The following NAT10 variants were observed in gnomAD, a reference collection of about 807,000 sequenced individuals.
NAT10 encodes the protein RNA cytidine acetyltransferase.
NAT10 carries 109 observed loss-of-function variants against 132.2 expected under a neutral mutation model. The ratio of observed to expected loss-of-function variants is 0.82; its 90% CI spans 0.71 to 0.97. NAT10 has a LOEUF of 0.97. Ranked by LOEUF, NAT10 falls within the 50% of genes least tolerant of loss-of-function variation. The pLI, the probability that NAT10 is intolerant of heterozygous loss-of-function variation, is 0.00. For missense variants in NAT10, 1,184 were observed against 1,263.4 expected (o/e 0.94, Z 0.95); for synonymous variants, 479 against 478.0 (o/e 1.00, Z -0.03).
rs192021617 is a variant in NAT10, at chr11:34,139,658, G to T, written c.2419+163G>T. ...CTTGCCAGGCCCCTGCTCTGTCCCAGGCTGTGCTGTCTTTCATTTTCATGG... is the reference window on the plus strand; with the variant it reads ...CTTGCCAGGCCCCTGCTCTGTCCCATGCTGTGCTGTCTTTCATTTTCATGG... On this transcript the variant is annotated intron_variant, in intron 23 of 28. Coordinates refer to ENST00000257829, the MANE Select transcript of NAT10 (RefSeq NM_024662.3). 869 of 623,092 alleles carry T rather than the reference G, an allele frequency of 1.4e-3. 2 individuals are homozygous for T. Among genetic ancestry groups the T allele is most frequent in the Non-Finnish European group, 1.7e-3 (612 of 352,864 alleles). 38.6% of individuals were successfully genotyped at this position (623,092 alleles called of 1,614,324 possible).
chr11:34,131,681 TTTTTC>T, intron 14 of NAT10, 150 bp downstream of exon 14: 3 of 898,760 alleles, frequency 3.3e-6, no homozygotes, highest in Non-Finnish European at 3.1e-6. Flanking sequence ...TCCTTTTTTT[TTTTTC>T]TTTCTTTTTT....
At chr11:34,106,421 A>ATTT (rs199999125) in intron 1 of NAT10, among the ~76,000 whole-genome samples, 11 of 142,274 alleles carry the variant, frequency 7.7e-5, no homozygotes, top group African/African-American at 2.8e-4. Context: ...CAGTATAGCT[A>ATTT]TTTTTTTTTT....
intron 28 of NAT10, 105 bp downstream of exon 28, chr11:34,143,633 A>G: frequency 1.9e-6 from 2 of 1,061,818 alleles, no homozygotes; most frequent in East Asian, 2.6e-5. Flanking sequence ...AAAAGCTTTG[A>G]CAGAAAAGTC....
At position 34,138,199 on chromosome 11, in the gene NAT10, G is replaced by A. The variant is rs189879657; in HGVS notation, c.2212-992G>A. On this transcript the variant is annotated intron_variant, in intron 21 of 28. Coordinates refer to ENST00000257829, the MANE Select transcript of NAT10 (RefSeq NM_024662.3). ...CTTGAGGAGGTGGTGGGTGGGACTC[G>A]AGATTCAGGAAGAGAGGTGACCACC... is the stretch of plus-strand genomic sequence containing the variant. Among the ~76,000 whole-genome samples the A allele has an allele frequency of 9.9e-5, 15 of 152,250 alleles. No individual in the cohort carries two copies. The East Asian group carries it at 2.1e-3, about 22-fold the overall frequency.
chr11:34,136,765 A>G lies in NAT10; in HGVS notation c.2152A>G (p.Arg718Gly). 6.2e-7 allele frequency: 1 copy of G among 1,614,102 alleles called. No homozygotes were observed. The highest frequency in any genetic ancestry group is 8.5e-7 in the Non-Finnish European group (1 of 1,180,024). Residue 718 changes from arginine to glycine, a missense_variant, in exon 20 of 29, where the codon AGG (arginine) becomes GGG (glycine). By Grantham distance (125) the Arg-to-Gly change is moderately radical (BLOSUM62 -2). Transcript: ENST00000257829. ...YLGVSYGLTP[R>G]LLKFWKRAGF... is the part of the protein sequence containing the mutation. ...GGGTGTTTCCTATGGCTTGACCCCC[A>G]GGCTCCTCAAGTAAGTGCCTGCCCT... is the stretch of plus-strand genomic sequence containing the variant.
At chr11:34,118,138 A>G (rs768656584) in intron 6 of NAT10, 42 bp from the exon 7 acceptor site, 9 of 1,477,164 alleles carry the variant, frequency 6.1e-6, no homozygotes, top group Admixed American at 3.3e-5. Context: ...TAGACATTGC[A>G]TGCCCTCCCC....
rs1461343219 is a variant in NAT10 at position 34,127,480 on chromosome 11, T to C, written c.1125T>C (p.Asp375=). 2 of 1,613,936 alleles carry C rather than the reference T, an allele frequency of 1.2e-6. No homozygotes were observed. Among genetic ancestry groups the C allele is most frequent in the Non-Finnish European group, 1.7e-6 (2 of 1,179,798 alleles). The change falls in exon 12 of 29, where the codon GAT becomes GAC. Residue 375 remains aspartate (D), a synonymous_variant. Transcript: ENST00000257829. ...CCCCATAGTATATACATCCTGCAGA[T>C]GCTGTGAAGCTGGGCCAGGCTGAAC... ...RQTIQYIHPA[D]AVKLGQAELV...
rs765614440 is a variant in NAT10, at chr11:34,139,504, G to A, written c.2419+9G>A. ...GAAGCCAGCCCAGCCTGGTGAGCCGGGTGGGGACAGGGAGGAGGGTTGGGA... is the reference window on the plus strand; with the variant it reads ...GAAGCCAGCCCAGCCTGGTGAGCCGAGTGGGGACAGGGAGGAGGGTTGGGA... On this transcript the variant is annotated intron_variant, in intron 23 of 28. Transcript: ENST00000257829. The A allele has an allele frequency of 6.2e-7, 1 of 1,610,498 alleles. No homozygotes were observed. Among genetic ancestry groups the A allele is most frequent in the South Asian group, 1.1e-5 (1 of 91,006 alleles).
chr11:34,123,738 T>C, intron 9 of NAT10, 24 bp from the exon 10 acceptor site: 1 of 1,493,382 alleles, frequency 6.7e-7, no homozygotes, highest in East Asian at 2.3e-5. Flanking sequence ...TTCTTAAAAA[T>C]CCTTCTTTTA....
At chr11:34,108,480 G>T in intron 2 of NAT10, 147 bp downstream of exon 2, 2 of 714,564 alleles carry the variant, frequency 2.8e-6, no homozygotes, top group South Asian at 3.7e-5. Flanking sequence ...TTATTTCCTG[G>T]AAGTGGTGAA....
At chr11:34,142,419 C>T (rs1008042169) in intron 27 of NAT10, 71 bp downstream of exon 27, 7 of 1,339,764 alleles carry the variant, frequency 5.2e-6, no homozygotes, top group East Asian at 2.3e-5. Flanking sequence ...CACGTTTCTT[C>T]TAATCATATC....
Position 34,115,855 on chromosome 11 carries a change from T to C in NAT10, c.528T>C (p.His176=). Residue 176 remains histidine, a synonymous_variant, in exon 6 of 29, where the codon CAT becomes CAC. Transcript: ENST00000257829. ...DVHSRYRTEA[H]QDVVGRFNER... ...ATTCCAGGTACAGAACTGAGGCCCATCAGGATGTGGTGGGAAGATTTAATG... is the reference window on the plus strand; with the variant it reads ...ATTCCAGGTACAGAACTGAGGCCCACCAGGATGTGGTGGGAAGATTTAATG... 6.2e-7 allele frequency: 1 copy of C among 1,614,112 alleles called. No individual in the cohort carries two copies.
At chr11:34,143,147 AT>A (rs1267635090) in intron 27 of NAT10, among the ~76,000 whole-genome samples, 1 of 152,168 alleles carries the variant, frequency 6.6e-6, no homozygotes, top group East Asian at 1.9e-4. Context: ...AATGAGAGTC[AT>A]GTGGGAAGAG....
At chr11:34,134,625 G>A in intron 18 of NAT10, 39 bp downstream of exon 18, 1 of 1,606,766 alleles carries the variant, frequency 6.2e-7, no homozygotes, top group Non-Finnish European at 8.5e-7. Flanking sequence ...CGTGTTGCTG[G>A]CGGTGCTTTA....
In NAT10 at chr11:34,144,746, A is replaced by G. The variant is rs57823937; in HGVS notation, c.2969+1218A>G. On this transcript the variant is annotated intron_variant, in intron 28 of 28. Transcript: ENST00000257829. ...TTCATCAGTTTTCCCTGGGAGTACAATGAGGCCTCCCCTGCCCAGAGCCAC... is the reference window on the plus strand; with the variant it reads ...TTCATCAGTTTTCCCTGGGAGTACAGTGAGGCCTCCCCTGCCCAGAGCCAC... 7.3e-3 allele frequency among the ~76,000 whole-genome samples: 1,110 copies of G among 152,278 alleles called. 10 individuals carry two copies. Among genetic ancestry groups the G allele is most frequent in the African/African-American group, 0.025 (1,034 of 41,556 alleles).
At chr11:34,131,640 A>G (rs1420893117) in intron 14 of NAT10, 109 bp downstream of exon 14, 2 of 1,192,740 alleles carry the variant, frequency 1.7e-6, no homozygotes, top group South Asian at 2.1e-5. Flanking sequence ...AGAAAGGGGA[A>G]AGTTGAACAT....
At chr11:34,110,449 C>T (rs1851673854) in intron 3 of NAT10, among the ~76,000 whole-genome samples, 1 of 151,418 alleles carries the variant, frequency 6.6e-6, no homozygotes, top group African/African-American at 2.4e-5. Flanking sequence ...GGTGGTTCCT[C>T]TACCTTCCTC....
At chr11:34,109,660 A>G (rs1208514130) in intron 3 of NAT10, among the ~76,000 whole-genome samples, 1 of 152,220 alleles carries the variant, frequency 6.6e-6, no homozygotes, top group Non-Finnish European at 1.5e-5. Context: ...CATACTTTCA[A>G]CACAAATACA....
intron 8 of NAT10, among the ~76,000 whole-genome samples, chr11:34,120,042 C>T (rs1001847362): frequency 5.9e-5 from 9 of 151,604 alleles, no homozygotes; most frequent in South Asian, 2.1e-4. Flanking sequence ...AACATAGGAC[C>T]GTTTTAATTT....
Sources: gnomAD v4.1 joint callset for allele counts (sites outside exome capture counted in the v4.1 genomes callset) on GRCh38, gnomAD v4.1.1 for gene constraint, MANE v1.5 for transcripts, NCBI Gene and HGNC (gene_info 2026-07-23, HGNC 2026-07-21) for gene names.